Variants in ARID4A observed in about 807,000 individuals in gnomAD.
ARID4A encodes the protein AT-rich interaction domain 4A, also known as AT-rich interactive domain-containing protein 4A.
Under a neutral mutation model 148.6 loss-of-function variants are expected in ARID4A, and 39 were observed. The ratio of observed to expected loss-of-function variants is 0.26; its 90% CI spans 0.20 to 0.34. The LOEUF is 0.34. Ranked by LOEUF, ARID4A falls within the 10% of genes least tolerant of loss-of-function variation. The pLI is 1.00. For synonymous variants in ARID4A, 475 were observed against 481.2 expected (o/e 0.99, Z 0.17); for missense variants, 1,265 against 1,449.1 (o/e 0.87, Z 2.06).
intron 8 of ARID4A, among the ~76,000 whole-genome samples, chr14:58,326,708 C>G (rs2033233633): frequency 6.6e-6 from 1 of 152,130 alleles, no homozygotes; most frequent in African/African-American, 2.4e-5. Context: ...TGGCAGGAAT[C>G]TATTTGAAGG....
At chr14:58,302,616 C>T (rs940669434) in intron 3 of ARID4A, among the ~76,000 whole-genome samples, 7 of 152,150 alleles carry the variant, frequency 4.6e-5, no homozygotes, top group Non-Finnish European at 8.8e-5. Flanking sequence ...CGAAATCACA[C>T]CACTGCACTC....
chr14:58,302,606 C>T (rs909243154), intron 3 of ARID4A, among the ~76,000 whole-genome samples: 5 of 151,898 alleles, frequency 3.3e-5, no homozygotes, highest in Admixed American at 6.6e-5. Context: ...TGCAGTGAGC[C>T]GAAATCACAC....
At chr14:58,326,304 G>A (rs1012920341) in intron 8 of ARID4A, among the ~76,000 whole-genome samples, 4 of 152,218 alleles carry the variant, frequency 2.6e-5, no homozygotes, top group African/African-American at 4.8e-5. Flanking sequence ...AGGCGTGGTG[G>A]TAGGCACCTG....
intron 5 of ARID4A, among the ~76,000 whole-genome samples, chr14:58,310,211 AGTTTTTTTTT>A (rs530974878): frequency 1.1e-3 from 168 of 151,504 alleles, no homozygotes; most frequent in Non-Finnish European, 1.8e-3. Flanking sequence ...AGATTCCTGG[AGTTTTTTTTT>A]GTTTTTTTTT....
At chr14:58,327,629 G>A (rs1031763768) in intron 8 of ARID4A, among the ~76,000 whole-genome samples, 5 of 151,970 alleles carry the variant, frequency 3.3e-5, no homozygotes, top group Admixed American at 2.6e-4. Context: ...ATTTAGCTTA[G>A]AATAAATCCT....
At chr14:58,326,737 G>T (rs2033235545) in intron 8 of ARID4A, among the ~76,000 whole-genome samples, 1 of 152,154 alleles carries the variant, frequency 6.6e-6, no homozygotes, top group African/African-American at 2.4e-5. Flanking sequence ...TAGTTCATAG[G>T]TAAGGTAATT....
chr14:58,332,971 T>C (rs2033615782), intron 11 of ARID4A, among the ~76,000 whole-genome samples: 1 of 152,134 alleles, frequency 6.6e-6, no homozygotes, highest in Admixed American at 6.5e-5. Flanking sequence ...GTTTTTATAT[T>C]TGATGCTTTG....
chr14:58,346,927 C>CCAAAAAAA (rs2034394863), intron 13 of ARID4A, 93 bp from the exon 14 acceptor site: 2 of 140,396 alleles, frequency 1.4e-5, no homozygotes, highest in Non-Finnish European at 2.1e-5. Context: ...GACCCTGTCT[C>CCAAAAAAA]AAAAAAAAAA....
chr14:58,368,111 A>T (rs1026281150), intron 23 of ARID4A, among the ~76,000 whole-genome samples: 2 of 152,210 alleles, frequency 1.3e-5, no homozygotes, highest in South Asian at 4.1e-4. Context: ...AGAATGAGGA[A>T]ATCAGTAGGC....
intron 17 of ARID4A, among the ~76,000 whole-genome samples, chr14:58,357,614 GTTTT>G (rs11424644): frequency 7.5e-6 from 1 of 134,204 alleles, no homozygotes; most frequent in Non-Finnish European, 1.6e-5. Flanking sequence ...TTTTTGCATG[GTTTT>G]TTTTTTTTTT....
chr14:58,340,550 G>T (rs146778818), intron 11 of ARID4A, among the ~76,000 whole-genome samples: 1 of 152,056 alleles, frequency 6.6e-6, no homozygotes, highest in Non-Finnish European at 1.5e-5. Flanking sequence ...GGGTTTTACC[G>T]TGTTGCCCAG....
chr14:58,330,487 C>G (rs528722702), intron 11 of ARID4A, among the ~76,000 whole-genome samples: 1 of 152,018 alleles, frequency 6.6e-6, no homozygotes, highest in African/African-American at 2.4e-5. Context: ...ATATGTGTAA[C>G]TCATTTAAAC....
chr14:58,344,783 T>A lies in ARID4A; in HGVS notation c.979+16T>A, dbSNP rs771323671. ...GAAGACAGAGGTATTTTCATGCTCA[T>A]TATTTTAAAGTAGTCATTTCTTTTT... On this transcript the variant is annotated intron_variant, in intron 12 of 23. Coordinates refer to ENST00000355431, the MANE Select transcript of ARID4A (RefSeq NM_002892.4). The A allele has an allele frequency of 3.1e-6, 5 of 1,589,508 alleles. No homozygotes were observed. Among genetic ancestry groups the A allele is most frequent in the South Asian group, 2.2e-5 (2 of 89,382 alleles).
chr14:58,329,613 A>C lies in ARID4A; in HGVS notation c.739+9A>C. On this transcript the variant is annotated intron_variant, in intron 10 of 23. Transcript: ENST00000355431. ...GCTCTCCACTAAACCAGGTAAAATA[A>C]AGATGAATTACCCTATTATTTTATG... 6.4e-7 allele frequency: 1 copy of C among 1,572,878 alleles called. No homozygotes were observed. Among genetic ancestry groups the C allele is most frequent in the South Asian group, 1.1e-5 (1 of 90,180 alleles).
rs150471498 is a variant in ARID4A at position 58,334,115 on chromosome 14, A to G, written c.906+3946A>G. Among the ~76,000 whole-genome samples, 33 of 152,276 alleles carry G rather than the reference A, an allele frequency of 2.2e-4. No individual in the cohort carries two copies. In the East Asian group the frequency reaches 5.2e-3, roughly 24 times the overall value. ...AACCCAGTTAGGGTCATCTAATCAG[A>G]TTAATGAGGATTCCACATTTGTACA... On this transcript the variant is annotated intron_variant, in intron 11 of 23. Coordinates refer to ENST00000355431, the MANE Select transcript of ARID4A (RefSeq NM_002892.4).
rs1328010661 is a variant in ARID4A at position 58,372,016 on chromosome 14, GTT to G, written c.*29_*30del. Reference sequence around the variant, plus strand: ...AAACATTTTCTCTACCTTCCCAGCAGTTTGCTGCCATGGACATAAATCCCCAA... The same window carrying G: ...AAACATTTTCTCTACCTTCCCAGCAGTGCTGCCATGGACATAAATCCCCAA... On this transcript the variant is annotated 3_prime_UTR_variant, in exon 24 of 24. Transcript: ENST00000355431. 13 of 1,505,774 alleles carry G rather than the reference GTT, an allele frequency of 8.6e-6. No homozygotes were observed. Among genetic ancestry groups the G allele is most frequent in the Non-Finnish European group, 1.2e-5 (13 of 1,084,410 alleles). 93.3% of individuals were successfully genotyped at this position (1,505,774 alleles called of 1,614,324 possible).
In ARID4A at chr14:58,306,132, A is replaced by T. The variant is rs1414967538; in HGVS notation, c.274+20A>T. The T allele has an allele frequency of 1.3e-6, 2 of 1,559,554 alleles. No individual in the cohort carries two copies. Among genetic ancestry groups the T allele is most frequent in the African/African-American group, 2.7e-5 (2 of 73,736 alleles). ...CCGTGGGTAAGTAATTAAGTAATTT[A>T]ACACAGATTTGATTTGGAGGTTGCA... On this transcript the variant is annotated intron_variant, in intron 5 of 23. Coordinates refer to ENST00000355431, the MANE Select transcript of ARID4A (RefSeq NM_002892.4).
chr14:58,316,718 T>C (rs60009252), intron 5 of ARID4A, among the ~76,000 whole-genome samples: 3 of 151,954 alleles, frequency 2.0e-5, no homozygotes, highest in Admixed American at 6.5e-5. Flanking sequence ...GTAGCTGAGA[T>C]TACAGGCGTG....
Position 58,318,823 on chromosome 14 carries a change from T to C in ARID4A, c.449+18T>C, listed in dbSNP as rs2032646839. On this transcript the variant is annotated intron_variant, in intron 7 of 23. Transcript: ENST00000355431. ...CTTCCTGTGTGAGTTTTTTCATATATGGTATCATTTTAATTACAATTATTA... is the reference window on the plus strand; with the variant it reads ...CTTCCTGTGTGAGTTTTTTCATATACGGTATCATTTTAATTACAATTATTA... The C allele has an allele frequency of 7.0e-6, 11 of 1,575,104 alleles. No homozygotes were observed. The highest frequency in any genetic ancestry group is 9.6e-6 in the Non-Finnish European group (11 of 1,146,628).
Sources: allele counts gnomAD v4.1 joint callset (sites outside exome capture counted in the v4.1 genomes callset), GRCh38; gene constraint gnomAD v4.1.1; transcripts MANE v1.5; gene names NCBI Gene and HGNC (gene_info 2026-07-23, HGNC 2026-07-21).